The following DNAL1 variants were observed in gnomAD, a reference collection of about 807,000 sequenced individuals.
The protein encoded by DNAL1 is chromosome 14 open reading frame 168.
A neutral mutation model predicts 29.4 loss-of-function variants in DNAL1; 17 were observed. The ratio of observed to expected loss-of-function variants is 0.58; its 90% CI spans 0.40 to 0.87. The LOEUF is 0.87. Ranked by LOEUF, DNAL1 falls within the 40% of genes least tolerant of loss-of-function variation. The pLI is 0.00. For synonymous variants in DNAL1, 78 were observed against 76.3 expected, an observed-to-expected ratio of 1.02 and a Z score of -0.12; for missense variants, 188 against 214.1, an observed-to-expected ratio of 0.88 and a Z score of 0.76.
chr14:73,662,866 T>G (rs1891388514), intron 4 of DNAL1, among the ~76,000 whole-genome samples: 1 of 151,014 alleles, frequency 6.6e-6, no homozygotes, highest in Non-Finnish European at 1.5e-5. Context: ...GGCATTAGAA[T>G]GTAAGTATCT....
At chr14:73,691,932 G>A (rs1892183506) in intron 7 of DNAL1, among the ~76,000 whole-genome samples, 1 of 148,668 alleles carries the variant, frequency 6.7e-6, no homozygotes, top group Non-Finnish European at 1.5e-5. Flanking sequence ...TCTTGACCTC[G>A]TGATCCGCCC....
chr14:73,673,411 C>T (rs1891659754), intron 5 of DNAL1, among the ~76,000 whole-genome samples: 1 of 152,040 alleles, frequency 6.6e-6, no homozygotes, highest in South Asian at 2.1e-4. Context: ...CCAGAGACCA[C>T]AAATAAATTA....
intron 5 of DNAL1, among the ~76,000 whole-genome samples, chr14:73,676,442 G>A (rs1233917132): frequency 5.2e-5 from 7 of 134,802 alleles, no homozygotes; most frequent in African/African-American, 1.2e-4. Context: ...AAATAGCTCT[G>A]TGTATATGTG....
rs141277337 is a variant in DNAL1, at chr14:73,661,247, T to A, written c.153-740T>A. Among the ~76,000 whole-genome samples, 1,265 of 152,318 alleles carry A rather than the reference T, an allele frequency of 8.3e-3. 26 individuals are homozygous for A. The highest frequency in any genetic ancestry group is 0.029 in the African/African-American group (1,198 of 41,572). ...CTTCCCAAGTCGGTATCTGTAGCCC[T>A]ATCTCCTTTGTTTTAGTGGCAGCTT... On this transcript the variant is annotated intron_variant, in intron 3 of 7. Transcript: ENST00000553645.
rs117152479 is a variant in DNAL1, at chr14:73,693,972, T to C, written c.533-1930T>C. The stretch of plus-strand genomic sequence containing the variant: ...TCCCACAAACAAATGCTCAGGAGTG[T>C]ACAGAGAGGTCAAACTATGCTCACT... On this transcript the variant is annotated intron_variant, in intron 7 of 7. Coordinates refer to ENST00000553645, the MANE Select transcript of DNAL1 (RefSeq NM_031427.4). Among the ~76,000 whole-genome samples the C allele has an allele frequency of 4.1e-4, 63 of 152,208 alleles. No individual in the cohort carries two copies. The East Asian group carries it at 0.012, about 29-fold the overall frequency.
At chr14:73,666,093 A>G (rs980027706) in intron 4 of DNAL1, among the ~76,000 whole-genome samples, 12 of 152,324 alleles carry the variant, frequency 7.9e-5, no homozygotes, top group African/African-American at 2.6e-4. Flanking sequence ...ATCTGTGACT[A>G]TGAAGCAAAA....
chr14:73,664,225 T>C (rs1341034058), intron 4 of DNAL1, among the ~76,000 whole-genome samples: 1 of 152,206 alleles, frequency 6.6e-6, no homozygotes, highest in Admixed American at 6.5e-5. Flanking sequence ...GGACCAGCCT[T>C]AACTGTTTAC....
At chr14:73,652,961 C>T (rs889291779) in intron 1 of DNAL1, among the ~76,000 whole-genome samples, 6 of 152,068 alleles carry the variant, frequency 3.9e-5, no homozygotes, top group African/African-American at 4.8e-5. Flanking sequence ...CAAAAATTCT[C>T]TCAAAAGGAA....
rs561855678 is a variant in DNAL1, at chr14:73,655,693, T to C, written c.42+808T>C. 5.3e-5 allele frequency among the ~76,000 whole-genome samples: 8 copies of C among 152,210 alleles called. No homozygotes were observed. In the South Asian group the frequency reaches 1.2e-3, roughly 24 times the overall value. ...TATCATCACTAAGCTACATACCATT[T>C]TCATATGCTGGAGTCATATGAGTTG... is the stretch of plus-strand genomic sequence containing the variant. On this transcript the variant is annotated intron_variant, in intron 2 of 7. Transcript: ENST00000553645.
intron 1 of DNAL1, among the ~76,000 whole-genome samples, chr14:73,648,496 A>G (rs1891034899): frequency 7.1e-6 from 1 of 141,130 alleles, no homozygotes; most frequent in Non-Finnish European, 1.5e-5. Flanking sequence ...TGGCCCCATC[A>G]GGGCTCCTCC....
chr14:73,669,971 TCA>T (rs527789319), intron 4 of DNAL1, among the ~76,000 whole-genome samples: 1 of 142,654 alleles, frequency 7.0e-6, no homozygotes, highest in African/African-American at 2.5e-5. Flanking sequence ...TGCCTGATTC[TCA>T]CACACACACA....
chr14:73,694,322 A>G (rs189202511), intron 7 of DNAL1, among the ~76,000 whole-genome samples: 3 of 152,256 alleles, frequency 2.0e-5, no homozygotes, highest in Admixed American at 2.0e-4. Context: ...AAAGGGAAAG[A>G]AAAATGAAGG....
chr14:73,663,075 A>G (rs549564826), intron 4 of DNAL1, among the ~76,000 whole-genome samples: 2 of 152,078 alleles, frequency 1.3e-5, no homozygotes, highest in African/African-American at 4.8e-5. Flanking sequence ...ACCACTTTCC[A>G]TTGTAAGAAA....
Position 73,683,912 on chromosome 14 carries a change from G to A in DNAL1, c.265-3347G>A, listed in dbSNP as rs146694016. ...AGTAGAGACGGGGTTTCACCATGTT[G>A]GTCAGGCTGGTCTCAAACTCCTGGC... On this transcript the variant is annotated intron_variant, in intron 5 of 7. Transcript: ENST00000553645. Among the ~76,000 whole-genome samples the A allele has an allele frequency of 8.0e-3, 1,222 of 152,074 alleles. 24 individuals carry two copies. The highest frequency in any genetic ancestry group is 0.028 in the African/African-American group (1,158 of 41,448).
At chr14:73,690,640 G>A (rs1393669160) in intron 7 of DNAL1, among the ~76,000 whole-genome samples, 4 of 145,748 alleles carry the variant, frequency 2.7e-5, no homozygotes, top group African/African-American at 7.6e-5. Context: ...CAACAAGAGC[G>A]AAACTCCGTC....
chr14:73,698,014 G>A lies in DNAL1; in HGVS notation c.*2072G>A, dbSNP rs536587090. ...GCAAGCTTGAAGCCATGTTGATATGGATATGTTTTCTAAAAGTAACCCTGG... is the reference window on the plus strand; with the variant it reads ...GCAAGCTTGAAGCCATGTTGATATGAATATGTTTTCTAAAAGTAACCCTGG... On this transcript the variant is annotated 3_prime_UTR_variant, in exon 8 of 8. Transcript: ENST00000553645. The A allele has an allele frequency of 1.3e-5, 2 of 152,080 alleles. No individual in the cohort carries two copies. Among genetic ancestry groups the A allele is most frequent in the Non-Finnish European group, 2.9e-5 (2 of 68,020 alleles). 9.4% of individuals were successfully genotyped at this position (152,080 alleles called of 1,614,324 possible).
chr14:73,652,757 T>C (rs1033449693), intron 1 of DNAL1, among the ~76,000 whole-genome samples: 17 of 152,206 alleles, frequency 1.1e-4, no homozygotes, highest in Non-Finnish European at 1.8e-4. Context: ...GCCAAATGTG[T>C]GAACGCCTAT....
intron 4 of DNAL1, among the ~76,000 whole-genome samples, chr14:73,669,204 A>G (rs1250070425): frequency 6.6e-6 from 1 of 151,696 alleles, no homozygotes; most frequent in Non-Finnish European, 1.5e-5. Flanking sequence ...TAGTGGTGCA[A>G]ACTCCTGTGC....
intron 7 of DNAL1, 98 bp from the exon 8 acceptor site, chr14:73,695,804 C>G: frequency 3.1e-6 from 3 of 972,234 alleles, no homozygotes; most frequent in Non-Finnish European, 4.6e-6. Context: ...GCTGGGATTA[C>G]AGGCGTGAGC....
Sources: allele counts gnomAD v4.1 joint callset (sites outside exome capture counted in the v4.1 genomes callset), GRCh38; gene constraint gnomAD v4.1.1; transcripts MANE v1.5; gene names NCBI Gene and HGNC (gene_info 2026-07-23, HGNC 2026-07-21).